The following TIMELESS variants were observed in gnomAD, a reference collection of about 807,000 sequenced individuals.
TIMELESS encodes the protein timeless circadian regulator.
Under a neutral mutation model 164.3 loss-of-function variants are expected in TIMELESS, and 124 were observed. The observed-to-expected ratio is 0.75, with a 90% CI of 0.65 to 0.88. The LOEUF (loss-of-function observed/expected upper bound fraction) is 0.88. TIMELESS is among the 40% of genes least tolerant of loss of function. The pLI is 0.00. For missense variants in TIMELESS, 1,422 were observed against 1,491.4 expected, an observed-to-expected ratio of 0.95 and a Z score of 0.77; for synonymous variants, 564 against 563.4, an observed-to-expected ratio of 1.00 and a Z score of -0.02.
chr12:56,433,393 C>T lies in TIMELESS; in HGVS notation c.417G>A (p.Glu139=), dbSNP rs1592252278. 5.6e-6 allele frequency: 9 copies of T among 1,614,192 alleles called. No homozygotes were observed. In the African/African-American group the frequency reaches 1.1e-4, roughly 19 times the overall value. ...AFGVLSETLY[E]LLQLGWEERQ... ...AAGACTCACTCACCAGCTGCAGCAG[C>T]TCATACAAGGTTTCACTGAGGACTC... Residue 139 remains glutamate, a synonymous_variant, in exon 5 of 29, where the codon GAG becomes GAA. Transcript: ENST00000553532.
chr12:56,445,422 C>CA (rs71081360), intron 1 of TIMELESS, among the ~76,000 whole-genome samples: 1,447 of 18,714 alleles, frequency 0.077, 376 homozygotes, highest in Non-Finnish European at 0.12. Flanking sequence ...AACTCCACGT[C>CA]AAAAAAAAAA....
chr12:56,424,993 C>A, intron 14 of TIMELESS, 22 bp downstream of exon 14: 1 of 1,614,032 alleles, frequency 6.2e-7, no homozygotes, highest in Non-Finnish European at 8.5e-7. Context: ...TCAAAAAAGA[C>A]AGGGTTTCTG....
intron 10 of TIMELESS, among the ~76,000 whole-genome samples, chr12:56,429,720 T>C (rs1881808833): frequency 6.6e-6 from 1 of 150,720 alleles, no homozygotes; most frequent in African/African-American, 2.4e-5. Flanking sequence ...TTTCACCATA[T>C]TGGCCAGGTT....
At chr12:56,438,304 CA>C (rs1438479465) in intron 1 of TIMELESS, among the ~76,000 whole-genome samples, 1 of 152,124 alleles carries the variant, frequency 6.6e-6, no homozygotes, top group Non-Finnish European at 1.5e-5. Context: ...CTTGGCCTCA[CA>C]AAGTGCAGGG....
chr12:56,418,230 C>G lies in TIMELESS; in HGVS notation c.3358G>C (p.Gly1120Arg). 1 of 1,614,184 alleles carries G rather than the reference C, an allele frequency of 6.2e-7. No homozygotes were observed. Among genetic ancestry groups the G allele is most frequent in the Non-Finnish European group, 8.5e-7 (1 of 1,180,032 alleles). Residue 1120 changes from glycine to arginine, a missense_variant, in exon 27 of 29, where the codon GGC (glycine) becomes CGC (arginine). Gly to Arg is a moderately radical substitution (Grantham distance 125, BLOSUM62 -2). Coordinates refer to ENST00000553532, the MANE Select transcript of TIMELESS (RefSeq NM_003920.5). ...TCTTTACAGTGCTCCTCATCAGAGC[C>G]TTGCTCTCCAGGGACTTTAGGCTGC... ...ELQPKVPGEQ[G>R]SDEEHCKEHR...
Position 56,418,301 on chromosome 12 carries a change from G to A in TIMELESS, c.3287C>T (p.Ala1096Val). ...LSPTQLRRAA[A>V]SLSQPEEEQK... ...TTCCTCCTCTGGTTGACTCAAAGAA[G>A]CTGCTGCCCTCCGGAGCTGGGTAGG... Residue 1096 changes from alanine to valine, a missense_variant, in exon 27 of 29, where the codon GCT becomes GTT. Transcript: ENST00000553532. 1.2e-6 allele frequency: 2 copies of A among 1,614,128 alleles called. No individual in the cohort carries two copies. Among genetic ancestry groups the A allele is most frequent in the East Asian group, 4.5e-5 (2 of 44,872 alleles).
At chr12:56,425,901 T>TA (rs1044337668) in intron 13 of TIMELESS, among the ~76,000 whole-genome samples, 28 of 151,298 alleles carry the variant, frequency 1.9e-4, no homozygotes, top group African/African-American at 5.3e-4. Flanking sequence ...AATAAATAAT[T>TA]AAAAAAAAGA....
At chr12:56,431,802 A>G (rs1280199995) in intron 7 of TIMELESS, among the ~76,000 whole-genome samples, 198 bp from the exon 8 acceptor site, 1 of 151,738 alleles carries the variant, frequency 6.6e-6, no homozygotes, top group Non-Finnish European at 1.5e-5. Flanking sequence ...TGAAATATAT[A>G]TATGTATATA....
At chr12:56,435,583 C>T (rs1442190721) in intron 1 of TIMELESS, among the ~76,000 whole-genome samples, 3 of 152,178 alleles carry the variant, frequency 2.0e-5, no homozygotes, top group African/African-American at 4.8e-5. Context: ...AAGGCCAAGG[C>T]AGGCAGATCA....
chr12:56,433,891 C>G lies in TIMELESS; in HGVS notation c.133G>C (p.Glu45Gln). The G allele has an allele frequency of 6.2e-7, 1 of 1,614,144 alleles. No homozygotes were observed. Among genetic ancestry groups the G allele is most frequent in the Non-Finnish European group, 8.5e-7 (1 of 1,180,010 alleles). Residue 45 changes from glutamate (E) to glutamine (Q), a missense_variant, in exon 3 of 29, where the codon GAG becomes CAG. Glu to Gln is a conservative substitution (Grantham distance 29). Transcript: ENST00000553532. ...VKDLIRYLRH[E>Q]DETRDVRQQL... ...TGCCGCACATCTCGTGTCTCATCCTCATGCCTCAAATAGCGGATCAGATCC... is the reference window on the plus strand; with the variant it reads ...TGCCGCACATCTCGTGTCTCATCCTGATGCCTCAAATAGCGGATCAGATCC...
At chr12:56,422,816 C>T in intron 19 of TIMELESS, 31 bp downstream of exon 19, 1 of 1,519,976 alleles carries the variant, frequency 6.6e-7, no homozygotes, top group Non-Finnish European at 9.0e-7. Flanking sequence ...TTCCCCTACC[C>T]CCACCCACCC....
At chr12:56,419,553 GA>G (rs1881386398) in intron 26 of TIMELESS, among the ~76,000 whole-genome samples, 3 of 151,552 alleles carry the variant, frequency 2.0e-5, no homozygotes, top group African/African-American at 7.3e-5. Flanking sequence ...TTGGAGGCAT[GA>G]AAAAGCCTAC....
chr12:56,436,926 T>G (rs1882089007), intron 1 of TIMELESS, among the ~76,000 whole-genome samples: 1 of 151,870 alleles, frequency 6.6e-6, no homozygotes, highest in South Asian at 2.1e-4. Flanking sequence ...ATAGCGAGCA[T>G]GCAATTTTTT....
At chr12:56,438,104 C>T (rs1401855386) in intron 1 of TIMELESS, among the ~76,000 whole-genome samples, 3 of 151,956 alleles carry the variant, frequency 2.0e-5, no homozygotes, top group Non-Finnish European at 2.9e-5. Flanking sequence ...TGCAGTGGCA[C>T]GATCTTGGCT....
Position 56,418,363 on chromosome 12 carries a change from C to T in TIMELESS, c.3229-4G>A, listed in dbSNP as rs1881342573. On this transcript the variant is annotated splice_polypyrimidine_tract_variant and splice_region_variant and intron_variant, in intron 26 of 28. Coordinates refer to ENST00000553532, the MANE Select transcript of TIMELESS (RefSeq NM_003920.5). ...CTGGAATTCGCCAGAAGGTTTCCTACAGGGGCCAAAAAGTTGAAAAGGGAA... is the reference window on the plus strand; with the variant it reads ...CTGGAATTCGCCAGAAGGTTTCCTATAGGGGCCAAAAAGTTGAAAAGGGAA... 2 of 1,595,970 alleles carry T rather than the reference C, an allele frequency of 1.3e-6. No individual in the cohort carries two copies. The highest frequency in any genetic ancestry group is 2.2e-5 in the East Asian group (1 of 44,680).
At chr12:56,420,068 GTGTATATATA>G (rs1565678518) in intron 26 of TIMELESS, among the ~76,000 whole-genome samples, 1 of 89,618 alleles carries the variant, frequency 1.1e-5, no homozygotes, top group Non-Finnish European at 2.4e-5. Context: ...GTGTGTGTGT[GTGTATATATA>G]TATATATAAA....
intron 26 of TIMELESS, among the ~76,000 whole-genome samples, chr12:56,420,029 A>AAAAAAAAAAAAATATATAT (rs1555176447): frequency 1.3e-5 from 1 of 75,188 alleles, no homozygotes; most frequent in African/African-American, 6.7e-5. Context: ...AAAAAAAAAA[A>AAAAAAAAAAAAATATATAT]ATATATATAT....
intron 1 of TIMELESS, among the ~76,000 whole-genome samples, chr12:56,437,569 G>C (rs868002375): frequency 1.3e-5 from 2 of 152,018 alleles, no homozygotes; most frequent in East Asian, 3.9e-4. Context: ...GTTGGATAAA[G>C]GGCAGAATGA....
intron 1 of TIMELESS, among the ~76,000 whole-genome samples, chr12:56,438,324 C>T (rs542597647): frequency 3.3e-5 from 5 of 152,098 alleles, no homozygotes; most frequent in African/African-American, 1.2e-4. Flanking sequence ...GGATTACAGG[C>T]GTGAGCCACC....
Sources: allele counts gnomAD v4.1 joint callset (sites outside exome capture counted in the v4.1 genomes callset), GRCh38; gene constraint gnomAD v4.1.1; transcripts MANE v1.5; gene names NCBI Gene and HGNC (gene_info 2026-07-23, HGNC 2026-07-21).